TMEFF2: variants seen among roughly 807,000 people sequenced by gnomAD.
The protein encoded by TMEFF2 is transmembrane protein with EGF like and two follistatin like domains 2.
A neutral mutation model predicts 53.8 loss-of-function variants in TMEFF2; 28 were observed. That is an observed-to-expected ratio of 0.52 (90% confidence interval 0.39 to 0.71). The LOEUF (loss-of-function observed/expected upper bound fraction) is 0.71. TMEFF2 is among the 30% of genes least tolerant of loss of function. TMEFF2 has a pLI of 0.00. For synonymous variants in TMEFF2, 162 were observed against 166.3 expected (o/e 0.97, Z 0.20); for missense variants, 353 against 455.2 (o/e 0.78, Z 2.04).
intron 4 of TMEFF2, among the ~76,000 whole-genome samples, chr2:192,125,514 C>A (rs1415433697): frequency 6.6e-6 from 1 of 152,022 alleles, no homozygotes; most frequent in African/African-American, 2.4e-5. Flanking sequence ...TAAAGTGAAG[C>A]TAACTACTAA....
intron 7 of TMEFF2, among the ~76,000 whole-genome samples, chr2:191,997,343 T>G (rs1022567233): frequency 6.6e-6 from 1 of 151,648 alleles, no homozygotes; most frequent in Non-Finnish European, 1.5e-5. Context: ...ATCTCTATAT[T>G]AACTAATTTT....
intron 4 of TMEFF2, chr2:192,177,752 G>T (rs1165215651): frequency 1.3e-5 from 2 of 150,936 alleles, no homozygotes; most frequent in Non-Finnish European, 3.0e-5. Flanking sequence ...TATGGTATAA[G>T]TTATACATGT....
At chr2:192,055,774 CAAAAAA>C (rs71405038) in intron 5 of TMEFF2, among the ~76,000 whole-genome samples, 2 of 42,504 alleles carry the variant, frequency 4.7e-5, no homozygotes, top group African/African-American at 1.6e-4. Flanking sequence ...GACTCCATCT[CAAAAAA>C]AAAAAAAAAA....
chr2:192,114,535 CTA>C (rs143382529), intron 4 of TMEFF2, among the ~76,000 whole-genome samples: 12,913 of 147,598 alleles, frequency 0.087, 1,126 homozygotes, highest in East Asian at 0.48. Context: ...TGACATAATC[CTA>C]TATATATATA....
At chr2:192,094,304 A>C (rs553773858) in intron 4 of TMEFF2, among the ~76,000 whole-genome samples, 36 of 152,222 alleles carry the variant, frequency 2.4e-4, no homozygotes, top group Non-Finnish European at 4.1e-4. Flanking sequence ...GTTTCTTTGC[A>C]TTTGTTCTCA....
chr2:192,022,419 T>G (rs1409117524), intron 5 of TMEFF2, among the ~76,000 whole-genome samples: 1 of 152,224 alleles, frequency 6.6e-6, no homozygotes, highest in Non-Finnish European at 1.5e-5. Flanking sequence ...ATAGTGACTT[T>G]GGGACCAACT....
chr2:192,016,263 A>G (rs1686742136), intron 5 of TMEFF2, among the ~76,000 whole-genome samples: 1 of 152,232 alleles, frequency 6.6e-6, no homozygotes, highest in Non-Finnish European at 1.5e-5. Flanking sequence ...TTTCATTTTC[A>G]TTCAACATTG....
At chr2:192,029,015 A>G (rs914806773) in intron 5 of TMEFF2, 5 of 152,156 alleles carry the variant, frequency 3.3e-5, no homozygotes, top group African/African-American at 4.8e-5. Context: ...GGGACTTCAC[A>G]TATTTCTTTT....
intron 4 of TMEFF2, among the ~76,000 whole-genome samples, chr2:192,102,350 T>G (rs551627487): frequency 2.0e-5 from 3 of 152,302 alleles, no homozygotes; most frequent in Non-Finnish European, 2.9e-5. Flanking sequence ...CGGAGCATTT[T>G]CTTTCACTCA....
At position 192,131,284 on chromosome 2, in the gene TMEFF2, G is replaced by A. The variant is rs1468032856; in HGVS notation, c.439+48384C>T. ...CTCTCATTGTCTCTACCCCTTCTCT[G>A]CTTTTCTGGGGAAGGGACAAGTACC... On this transcript the variant is annotated intron_variant, in intron 4 of 9. Transcript: ENST00000272771. Among the ~76,000 whole-genome samples the A allele has an allele frequency of 3.3e-3, 460 of 138,676 alleles. 4 individuals carry two copies. The highest frequency in any genetic ancestry group is 0.012 in the African/African-American group (430 of 34,496). The allele number at this position is 138,676 out of a possible 152,430, so 91.0% of individuals were successfully genotyped here.
At chr2:191,959,076 TA>T (rs1692190961) in intron 7 of TMEFF2, among the ~76,000 whole-genome samples, 1 of 152,176 alleles carries the variant, frequency 6.6e-6, no homozygotes, top group Non-Finnish European at 1.5e-5. Context: ...AACAAAGCAT[TA>T]AAACATTTTA....
intron 4 of TMEFF2, among the ~76,000 whole-genome samples, chr2:192,068,034 G>A (rs1188998892): frequency 6.6e-6 from 1 of 151,878 alleles, no homozygotes; most frequent in Non-Finnish European, 1.5e-5. Flanking sequence ...AAATGCACTT[G>A]CATCTTCACA....
intron 4 of TMEFF2, among the ~76,000 whole-genome samples, chr2:192,112,629 G>A (rs929899683): frequency 2.0e-5 from 3 of 152,158 alleles, no homozygotes; most frequent in Admixed American, 2.0e-4. Context: ...GGCATGATTG[G>A]TTTTGAAACG....
chr2:192,144,653 C>G (rs1431795279), intron 4 of TMEFF2, among the ~76,000 whole-genome samples: 5 of 151,988 alleles, frequency 3.3e-5, no homozygotes, highest in Non-Finnish European at 7.4e-5. Context: ...CCTGAATGAG[C>G]AAAAGCAAAT....
chr2:192,018,079 GA>G lies in TMEFF2; in HGVS notation c.537-18872del, dbSNP rs576779144. ...TGGCTTGTTGATGGAGTCACAGCAA[GA>G]GATTGGAGGGGAGGGGGAGAATTTG... On this transcript the variant is annotated intron_variant, in intron 5 of 9. Coordinates refer to ENST00000272771, the MANE Select transcript of TMEFF2 (RefSeq NM_016192.4). 1.2e-4 allele frequency among the ~76,000 whole-genome samples: 19 copies of G among 152,296 alleles called. No individual in the cohort carries two copies. The East Asian group carries it at 3.7e-3, about 30-fold the overall frequency.
chr2:191,976,939 C>T (rs993195002), intron 7 of TMEFF2, among the ~76,000 whole-genome samples: 3 of 152,152 alleles, frequency 2.0e-5, no homozygotes, highest in Non-Finnish European at 2.9e-5. Flanking sequence ...AACCTTTATG[C>T]CTGTCTGGCA....
chr2:192,194,593 C>G lies in TMEFF2; in HGVS notation c.-69G>C, dbSNP rs1179901291. 1.9e-6 allele frequency: 3 copies of G among 1,554,714 alleles called. No individual in the cohort carries two copies. The highest frequency in any genetic ancestry group is 2.6e-6 in the Non-Finnish European group (3 of 1,141,208). ...ACACAGGATCGCGGGGGCCGGGCAG[C>G]GGGCTACTGAGCATCCCGCGGACGG... On this transcript the variant is annotated 5_prime_UTR_variant, in exon 1 of 10. Coordinates refer to ENST00000272771, the MANE Select transcript of TMEFF2 (RefSeq NM_016192.4). The surrounding 1 kb of genome is among the most constrained non-coding windows in gnomAD (Gnocchi z 4.2).
chr2:192,031,482 T>C (rs1000566672), intron 5 of TMEFF2: 7 of 152,218 alleles, frequency 4.6e-5, no homozygotes, highest in African/African-American at 1.2e-4. Context: ...CAGAACTAGA[T>C]AAGTGCATTG....
intron 5 of TMEFF2, among the ~76,000 whole-genome samples, chr2:192,034,430 A>C (rs1687231708): frequency 6.6e-6 from 1 of 152,142 alleles, no homozygotes; most frequent in East Asian, 1.9e-4. Context: ...GGGGAAAAAA[A>C]ATCACGAATA....
Sources: gnomAD v4.1 joint callset for allele counts (sites outside exome capture counted in the v4.1 genomes callset) on GRCh38, gnomAD v4.1.1 for gene constraint, Gnocchi (gnomAD v3.1) non-coding constraint, MANE v1.5 for transcripts, NCBI Gene and HGNC (gene_info 2026-07-23, HGNC 2026-07-21) for gene names.